The following ZFHX3 variants were observed in gnomAD, a reference collection of about 807,000 sequenced individuals.
The protein encoded by ZFHX3 is zinc finger homeobox protein 3.
ZFHX3 carries 42 observed loss-of-function variants against 279.1 expected under a neutral mutation model. The ratio of observed to expected loss-of-function variants is 0.15; its 90% CI spans 0.12 to 0.19. ZFHX3 has a LOEUF of 0.19. Among genes scored for constraint, ZFHX3 ranks in the 10% least tolerant of loss-of-function variants. ZFHX3 has a pLI of 1.00. For synonymous variants in ZFHX3, 2,293 were observed against 1,957.8 expected, an observed-to-expected ratio of 1.17 and a Z score of -4.52; for missense variants, 4,981 against 4,754.0, an observed-to-expected ratio of 1.05 and a Z score of -1.40.
At chr16:73,188,577 C>T (rs1427240837) in intron 5 of ZFHX3, among the ~76,000 whole-genome samples, 1 of 152,166 alleles carries the variant, frequency 6.6e-6, no homozygotes, top group Admixed American at 6.5e-5. Flanking sequence ...TTTCAGAAAA[C>T]CCTGACTAAA....
In ZFHX3 at chr16:72,784,798, A is replaced by G. The variant is rs988487164; in HGVS notation, c.*2366T>C. The G allele has an allele frequency of 4.6e-5, 7 of 152,370 alleles. No individual in the cohort carries two copies. Among genetic ancestry groups the G allele is most frequent in the African/African-American group, 1.7e-4 (7 of 41,262 alleles). The allele number at this position is 152,370 out of a possible 1,614,324, so 9.4% of individuals were successfully genotyped here. On this transcript the variant is annotated 3_prime_UTR_variant, in exon 10 of 10. Transcript: ENST00000268489. ...TTAGTATTTCTACTTAAAAAAAACA[A>G]TTAAAAAAGGAATTTGCACTGTGCA...
chr16:72,988,558 C>T (rs75809551), intron 1 of ZFHX3, among the ~76,000 whole-genome samples: 18 of 152,326 alleles, frequency 1.2e-4, no homozygotes, highest in African/African-American at 3.9e-4. Context: ...TTTCAAATAA[C>T]GCGGATTTCT....
intron 9 of ZFHX3, chr16:72,789,565 T>TAC: frequency 6.6e-6 from 1 of 152,392 alleles, no homozygotes. Context: ...AAACAGGCTC[T>TAC]ACAGGTGTTC....
chr16:73,884,294 A>C (rs574992604), intron 1 of ZFHX3, among the ~76,000 whole-genome samples: 35 of 150,810 alleles, frequency 2.3e-4, no homozygotes, highest in African/African-American at 7.9e-4. Context: ...GTTTTGGTTA[A>C]AAAAAAAATT....
At chr16:73,685,356 G>A (rs2053071815) in intron 1 of ZFHX3, among the ~76,000 whole-genome samples, 1 of 152,192 alleles carries the variant, frequency 6.6e-6, no homozygotes. Context: ...GGCAGAAGAG[G>A]GAGAACCAGA....
At chr16:73,388,959 G>A (rs1171047069) in intron 3 of ZFHX3, 3 of 152,162 alleles carry the variant, frequency 2.0e-5, no homozygotes, top group East Asian at 1.9e-4. Context: ...TGGCCACGGC[G>A]TCTTAGAGGT....
chr16:73,025,846 T>C (rs1480119842), intron 1 of ZFHX3, among the ~76,000 whole-genome samples: 1 of 152,144 alleles, frequency 6.6e-6, no homozygotes, highest in Non-Finnish European at 1.5e-5. Context: ...TGAGGAAAAT[T>C]GATGTTCCCT....
At chr16:73,251,397 G>A (rs1221429094) in intron 5 of ZFHX3, among the ~76,000 whole-genome samples, 1 of 152,172 alleles carries the variant, frequency 6.6e-6, no homozygotes, top group African/African-American at 2.4e-5. Flanking sequence ...TAGGGGCCAA[G>A]CGTGGCTCTA....
chr16:72,810,795 C>T (rs1354270452), intron 7 of ZFHX3, among the ~76,000 whole-genome samples: 4 of 152,218 alleles, frequency 2.6e-5, no homozygotes, highest in African/African-American at 9.6e-5. Flanking sequence ...CTCAACTCTG[C>T]TCCTTACAAA....
Position 72,783,663 on chromosome 16 carries a change from G to C in ZFHX3, c.*3501C>G, listed in dbSNP as rs1437540638. On this transcript the variant is annotated 3_prime_UTR_variant, in exon 10 of 10. Transcript: ENST00000268489. Reference sequence around the variant, plus strand: ...GTTTTTGGAAGGATGGAGGAAAGATGGATGAAATAACTCCCATTCTGTGGG... The same window carrying C: ...GTTTTTGGAAGGATGGAGGAAAGATCGATGAAATAACTCCCATTCTGTGGG... The C allele has an allele frequency of 6.6e-6, 1 of 152,244 alleles. No homozygotes were observed. The highest frequency in any genetic ancestry group is 2.4e-5 in the African/African-American group (1 of 41,548). The allele number at this position is 152,244 out of a possible 1,614,324, so 9.4% of individuals were successfully genotyped here.
intron 4 of ZFHX3, among the ~76,000 whole-genome samples, chr16:73,260,764 C>A (rs2013802284): frequency 6.9e-6 from 1 of 144,954 alleles, no homozygotes; most frequent in Non-Finnish European, 1.5e-5. Flanking sequence ...CTCACTGCAA[C>A]CTCCGCCTCC....
At chr16:73,464,362 G>A (rs573977396) in intron 2 of ZFHX3, among the ~76,000 whole-genome samples, 1 of 151,990 alleles carries the variant, frequency 6.6e-6, no homozygotes, top group Non-Finnish European at 1.5e-5. Context: ...GAAGATGGGG[G>A]AGGGGGTTAT....
At position 73,205,113 on chromosome 16, in the gene ZFHX3, G is replaced by C. The variant is rs894740714; in HGVS notation, c.-1104+51934C>G. Among the ~76,000 whole-genome samples the C allele has an allele frequency of 2.6e-5, 4 of 152,110 alleles. No homozygotes were observed. In the South Asian group the frequency reaches 8.3e-4, roughly 31 times the overall value. On this transcript the variant is annotated intron_variant, in intron 5 of 17. Transcript: ENST00000641206. ...GATTCAGAGTCCTAGGACTCCAAGT[G>C]ACCCTGATTGATGGTCTGGACCATA...
intron 3 of ZFHX3, among the ~76,000 whole-genome samples, chr16:72,892,145 G>T (rs758726722): frequency 3.3e-5 from 5 of 152,190 alleles, no homozygotes; most frequent in Non-Finnish European, 7.3e-5. Flanking sequence ...AAGCATGTTT[G>T]TACTTTGCTG....
In ZFHX3 at chr16:73,611,647, G is replaced by T. The variant is rs574459953; in HGVS notation, c.-1547+68533C>A. ...AAATTATCCAGTGAAGGTCTAATTAGGAGTTTCTGGCAATTGTGTGCAAAC... is the reference window on the plus strand; with the variant it reads ...AAATTATCCAGTGAAGGTCTAATTATGAGTTTCTGGCAATTGTGTGCAAAC... On this transcript the variant is annotated intron_variant, in intron 2 of 17. Coordinates refer to the ZFHX3 transcript ENST00000641206. Among the ~76,000 whole-genome samples the T allele has an allele frequency of 3.0e-4, 46 of 152,312 alleles. No homozygotes were observed. The South Asian group carries it at 9.3e-3, about 31-fold the overall frequency.
chr16:73,567,868 AT>A (rs113016982), intron 2 of ZFHX3, among the ~76,000 whole-genome samples: 3 of 151,860 alleles, frequency 2.0e-5, no homozygotes, highest in East Asian at 3.9e-4. Flanking sequence ...TAATTGAAAG[AT>A]TTTTTTTTCT....
intron 1 of ZFHX3, among the ~76,000 whole-genome samples, chr16:73,764,197 T>C (rs1442223840): frequency 6.6e-6 from 1 of 152,172 alleles, no homozygotes; most frequent in Non-Finnish European, 1.5e-5. Context: ...GGTACAGAGC[T>C]CTTTGGAAGC....
intron 1 of ZFHX3, among the ~76,000 whole-genome samples, chr16:73,731,336 C>CA (rs1221467951): frequency 6.6e-6 from 1 of 151,960 alleles, no homozygotes; most frequent in Non-Finnish European, 1.5e-5. Flanking sequence ...ACTGTGTATG[C>CA]AAAAAACCCA....
At position 73,209,766 on chromosome 16, in the gene ZFHX3, CT is replaced by C. The variant is rs1453133330; in HGVS notation, c.-1104+47280del. On this transcript the variant is annotated intron_variant, in intron 5 of 17. Coordinates refer to the ZFHX3 transcript ENST00000641206. ...TGCAATATTATACATCATGTAGCTT[CT>C]GGAAAACTCCATTGTACACTTGTGA... Among the ~76,000 whole-genome samples, 6 of 152,250 alleles carry C rather than the reference CT, an allele frequency of 3.9e-5. No individual in the cohort carries two copies. In the East Asian group the frequency reaches 1.2e-3, roughly 29 times the overall value.
Sources: gnomAD v4.1 joint callset for allele counts (sites outside exome capture counted in the v4.1 genomes callset) on GRCh38, gnomAD v4.1.1 for gene constraint, MANE v1.5 for transcripts, NCBI Gene and HGNC (gene_info 2026-07-23, HGNC 2026-07-21) for gene names.